SPO11: variants seen among roughly 807,000 people sequenced by gnomAD.
SPO11 encodes the protein meiotic recombination protein SPO11.
A neutral mutation model predicts 51.6 loss-of-function variants in SPO11; 49 were observed. The observed-to-expected ratio is 0.95, with a 90% CI of 0.75 to 1.20. SPO11 has a LOEUF of 1.20. Ranked by LOEUF, SPO11 falls within the 50% of genes most tolerant of loss-of-function variation. SPO11 has a pLI of 0.00. For missense variants in SPO11, 431 were observed against 473.4 expected, an observed-to-expected ratio of 0.91 and a Z score of 0.83; for synonymous variants, 176 against 158.2, an observed-to-expected ratio of 1.11 and a Z score of -0.84.
At position 57,330,372 on chromosome 20, in the gene SPO11, GGGTTTTTTTTGGTTTTTATTTTTT is replaced by G. The variant is rs2066432406; in HGVS notation, c.131+385_131+408del. Among the ~76,000 whole-genome samples the G allele has an allele frequency of 1.3e-5, 2 of 152,038 alleles. 1 individual carries two copies. Among genetic ancestry groups the G allele is most frequent in the South Asian group, 4.1e-4 (2 of 4,822 alleles). ...GATAAAATTTTTGGTTAAACTTTAA[GGGTTTTTTTTGGTTTTTATTTTTT>G]GGTTTTTTTTTAGAAAGAAAATGAG... On this transcript the variant is annotated intron_variant, in intron 1 of 12. Transcript: ENST00000371263.
At chr20:57,333,547 G>A in intron 3 of SPO11, 140 bp from the exon 4 acceptor site, 1 of 653,400 alleles carries the variant, frequency 1.5e-6, no homozygotes. Flanking sequence ...GCAGGTAATT[G>A]TTCTGTACTT....
intron 11 of SPO11, among the ~76,000 whole-genome samples, chr20:57,341,419 C>T (rs994035156): frequency 1.3e-5 from 2 of 152,200 alleles, no homozygotes; most frequent in South Asian, 4.1e-4. Context: ...TAAGAGTCCA[C>T]CTGTCCCTCA....
At chr20:57,332,433 A>G (rs1568757233) in intron 2 of SPO11, among the ~76,000 whole-genome samples, 1 of 152,250 alleles carries the variant, frequency 6.6e-6, no homozygotes, top group African/African-American at 2.4e-5. Context: ...CTGCTAAATC[A>G]TGTGTCCAAA....
intron 2 of SPO11, among the ~76,000 whole-genome samples, chr20:57,332,366 A>G (rs887625981): frequency 6.6e-6 from 1 of 152,212 alleles, no homozygotes; most frequent in Non-Finnish European, 1.5e-5. Flanking sequence ...AGACCAAAAT[A>G]AAAGTATCCT....
Position 57,339,034 on chromosome 20 carries a change from T to C in SPO11, c.882+8T>C, listed in dbSNP as rs1312421461. ...TATAAGTATGGATCTATGGTAAGTA[T>C]AGAAAAGCAGTTTTCCTTTTTTATT... On this transcript the variant is annotated splice_region_variant and intron_variant, in intron 10 of 12. Transcript: ENST00000371263. 1 of 1,456,234 alleles carries C rather than the reference T, an allele frequency of 6.9e-7. No individual in the cohort carries two copies. Among genetic ancestry groups the C allele is most frequent in the South Asian group, 1.3e-5 (1 of 78,688 alleles). 90.2% of individuals were successfully genotyped at this position (1,456,234 alleles called of 1,614,324 possible).
chr20:57,334,837 G>A lies in SPO11; in HGVS notation c.597+1G>A. ...AGTGAATTGTACCTGTGGTGCAACG[G>A]TAAGAAGCATCATTGAAGTTTTCAC... On this transcript the variant is annotated splice_donor_variant, in intron 6 of 12. Coordinates refer to ENST00000371263, the MANE Select transcript of SPO11 (RefSeq NM_012444.3). LOFTEE classifies it high-confidence loss of function. 1 of 1,612,256 alleles carries A rather than the reference G, an allele frequency of 6.2e-7. No individual in the cohort carries two copies.
rs1254392486 is a variant in SPO11, at chr20:57,338,385, C to G, written c.844+10C>G. ...GATGCTGATCCACATGGTAATTTAT[C>G]ACTGGACTATTTACAACAATAGTCA... On this transcript the variant is annotated intron_variant, in intron 9 of 12. Coordinates refer to ENST00000371263, the MANE Select transcript of SPO11 (RefSeq NM_012444.3). The G allele has an allele frequency of 6.5e-7, 1 of 1,532,366 alleles. No homozygotes were observed. The allele number at this position is 1,532,366 out of a possible 1,614,324, so 94.9% of individuals were successfully genotyped here.
chr20:57,329,867 C>T lies in SPO11; in HGVS notation c.-1C>T. 2 of 1,612,828 alleles carry T rather than the reference C, an allele frequency of 1.2e-6. No homozygotes were observed. Among genetic ancestry groups the T allele is most frequent in the Non-Finnish European group, 8.5e-7 (1 of 1,179,308 alleles). On this transcript the variant is annotated 5_prime_UTR_variant, in exon 1 of 13. Coordinates refer to ENST00000371263, the MANE Select transcript of SPO11 (RefSeq NM_012444.3). ...GGAGCTTCTGGCAGCCGTCTGCCCTCATGGCCTTTGCACCTATGGGGCCCG... is the reference window on the plus strand; with the variant it reads ...GGAGCTTCTGGCAGCCGTCTGCCCTTATGGCCTTTGCACCTATGGGGCCCG...
At chr20:57,341,515 T>C (rs2066581734) in intron 11 of SPO11, among the ~76,000 whole-genome samples, 1 of 152,234 alleles carries the variant, frequency 6.6e-6, no homozygotes, top group Non-Finnish European at 1.5e-5. Context: ...TAAGAATGAA[T>C]TTAAACATGT....
At chr20:57,331,548 G>A (rs183352291) in intron 1 of SPO11, among the ~76,000 whole-genome samples, 2 of 152,280 alleles carry the variant, frequency 1.3e-5, no homozygotes, top group African/African-American at 4.8e-5. Flanking sequence ...GTAAAAGGGA[G>A]ACCTTCCATT....
chr20:57,335,369 A>T, intron 6 of SPO11, 50 bp from the exon 7 acceptor site: 1 of 1,491,152 alleles, frequency 6.7e-7, no homozygotes, highest in South Asian at 1.2e-5. Context: ...ATAAACTAAA[A>T]ATGTGGTTAT....
At chr20:57,335,697 G>C in intron 7 of SPO11, 101 bp from the exon 8 acceptor site, 2 of 748,532 alleles carry the variant, frequency 2.7e-6, no homozygotes, top group Non-Finnish European at 4.4e-6. Flanking sequence ...CTAAAATGTT[G>C]TATCTATAGC....
rs531227141 is a variant in SPO11, at chr20:57,331,676, CT to C, written c.132-148del. On this transcript the variant is annotated intron_variant, in intron 1 of 12. Transcript: ENST00000371263. Reference sequence around the variant, plus strand: ...TAATTATTGACATGGATTACCTAGTCTTTTTTTTTGTCTTTTTTTAAAACCC... The same window carrying C: ...TAATTATTGACATGGATTACCTAGTCTTTTTTTTGTCTTTTTTTAAAACCC... 6.5e-3 allele frequency among the ~76,000 whole-genome samples: 973 copies of C among 150,810 alleles called. 4 individuals are homozygous for C. Among genetic ancestry groups the C allele is most frequent in the Admixed American group, 9.6e-3 (145 of 15,092 alleles).
chr20:57,342,765 A>C lies in SPO11; in HGVS notation c.996A>C (p.Thr332=). The C allele has an allele frequency of 6.2e-7, 1 of 1,613,470 alleles. No individual in the cohort carries two copies. ...CTAAAGATAGTTTGATTCCACTGACAAAAAGGGACCAAATGAAACTTGACA... is the reference window on the plus strand; with the variant it reads ...CTAAAGATAGTTTGATTCCACTGACCAAAAGGGACCAAATGAAACTTGACA... The part of the protein sequence containing the change: ...NVPKDSLIPL[T]KRDQMKLDSI... Residue 332 remains threonine, a synonymous_variant, in exon 12 of 13, where the codon ACA becomes ACC. Transcript: ENST00000371263.
In SPO11 at chr20:57,338,301, CA is replaced by C; in HGVS notation, c.772del (p.Arg258AspfsTer3). 8 of 1,613,496 alleles carry C rather than the reference CA, an allele frequency of 5.0e-6. No homozygotes were observed. Among genetic ancestry groups the C allele is most frequent in the Non-Finnish European group, 6.8e-6 (8 of 1,179,678 alleles). On this transcript the variant is annotated frameshift_variant, in exon 9 of 13. Transcript: ENST00000371263. LOFTEE classifies it high-confidence loss of function. The part of the protein sequence containing the change: ...ITGKGVPDLN[T>X]RLLVKKLWDT... ...GGAAAGGGAGTTCCTGATCTAAACA[CA>C]AGACTTTTAGTCAAGAAACTGTGGG... is the stretch of plus-strand genomic sequence containing the variant.
rs1053103346 is a variant in SPO11, at chr20:57,338,441, TTCC to T, written c.844+69_844+71del. 58 of 1,250,734 alleles carry T rather than the reference TTCC, an allele frequency of 4.6e-5. No homozygotes were observed. The African/African-American group carries it at 7.5e-4, about 16-fold the overall frequency. The allele number at this position is 1,250,734 out of a possible 1,614,324, so 77.5% of individuals were successfully genotyped here. A position where few individuals can be genotyped will look rare whatever the true frequency, so the allele number is the denominator to read the frequency against. On this transcript the variant is annotated intron_variant, in intron 9 of 12. Transcript: ENST00000371263. ...AAATCATATTTGTTGTTGTGTTTTC[TTCC>T]TCTTTTTTTTTTTTTCTTTTTGAGA... is the stretch of plus-strand genomic sequence containing the variant.
rs2066498826 is a variant in SPO11, at chr20:57,335,356, G to A, written c.598-63G>A. 5 of 1,365,536 alleles carry A rather than the reference G, an allele frequency of 3.7e-6. No homozygotes were observed. In the East Asian group the frequency reaches 1.2e-4, roughly 32 times the overall value. The allele number at this position is 1,365,536 out of a possible 1,614,324, so 84.6% of individuals were successfully genotyped here. ...AAGAAAAATAAAAACAGAGGGCTTT[G>A]TGATAAACTAAAAATGTGGTTATTT... On this transcript the variant is annotated intron_variant, in intron 6 of 12. Coordinates refer to ENST00000371263, the MANE Select transcript of SPO11 (RefSeq NM_012444.3).
chr20:57,330,209 C>G (rs891861372), intron 1 of SPO11, among the ~76,000 whole-genome samples: 1 of 152,188 alleles, frequency 6.6e-6, no homozygotes, highest in Non-Finnish European at 1.5e-5. Context: ...GGCAGCCCCC[C>G]TTCTGTGGCT....
intron 7 of SPO11, 41 bp downstream of exon 7, chr20:57,335,496 T>C: frequency 6.4e-7 from 1 of 1,563,920 alleles, no homozygotes. Context: ...TTTTGGAATG[T>C]TCATTCATTC....
Sources: allele counts gnomAD v4.1 joint callset (sites outside exome capture counted in the v4.1 genomes callset), GRCh38; gene constraint gnomAD v4.1.1; transcripts MANE v1.5; gene names NCBI Gene and HGNC (gene_info 2026-07-23, HGNC 2026-07-21).